GARNL3: variants seen among roughly 807,000 people sequenced by gnomAD.
The protein encoded by GARNL3 is GTPase activating Rap/RanGAP domain like 3, also known as GTPase-activating Rap/Ran-GAP domain-like protein 3.
In GARNL3, 63 loss-of-function variants were observed where a neutral mutation model predicts 125.0. The ratio of observed to expected loss-of-function variants is 0.50; its 90% confidence interval spans 0.41 to 0.62. The LOEUF (loss-of-function observed/expected upper bound fraction) is 0.62, where lower values mean the gene tolerates loss of function less well. GARNL3 is among the 20% of genes least tolerant of loss of function. The pLI is 0.00. For missense variants in GARNL3, 994 were observed against 1,244.0 expected (o/e 0.80, Z 3.02); for synonymous variants, 439 against 457.5 (o/e 0.96, Z 0.52).
At chr9:127,316,957 C>T (rs922504348) in intron 4 of GARNL3, among the ~76,000 whole-genome samples, 4 of 152,118 alleles carry the variant, frequency 2.6e-5, no homozygotes, top group African/African-American at 9.6e-5. Context: ...TCTTACCCTC[C>T]TCTAGCCGTT....
chr9:127,273,206 G>A (rs1271665175), intron 1 of GARNL3, among the ~76,000 whole-genome samples: 1 of 152,114 alleles, frequency 6.6e-6, no homozygotes, highest in African/African-American at 2.4e-5. Flanking sequence ...CGGTCCCACA[G>A]CTAGGAAGAA....
intron 22 of GARNL3, among the ~76,000 whole-genome samples, chr9:127,374,340 T>C (rs1462738491): frequency 6.6e-6 from 1 of 151,794 alleles, no homozygotes; most frequent in Non-Finnish European, 1.5e-5. Context: ...AAGACTCCTC[T>C]CACATCAGAT....
At chr9:127,336,052 G>T in intron 10 of GARNL3, 76 bp from the exon 11 acceptor site, 1 of 1,060,544 alleles carries the variant, frequency 9.4e-7, no homozygotes, top group South Asian at 1.4e-5. Flanking sequence ...TGTTATATTG[G>T]GTTATGTTTT....
At chr9:127,285,854 CCTTT>C (rs2064236820) in intron 1 of GARNL3, among the ~76,000 whole-genome samples, 1 of 152,002 alleles carries the variant, frequency 6.6e-6, no homozygotes, top group Admixed American at 6.5e-5. Flanking sequence ...TTTTACTTTG[CCTTT>C]CTTTTTCATG....
intron 2 of GARNL3, among the ~76,000 whole-genome samples, chr9:127,296,893 T>TGA (rs2064612909): frequency 2.0e-5 from 3 of 151,824 alleles, no homozygotes; most frequent in Admixed American, 1.3e-4. Context: ...GGCTTAGTCT[T>TGA]TCTGGCAGCC....
chr9:127,328,757 A>T (rs2131550483), intron 7 of GARNL3, among the ~76,000 whole-genome samples: 1 of 152,334 alleles, frequency 6.6e-6, no homozygotes, highest in East Asian at 1.9e-4. Flanking sequence ...TTTTCTCAGA[A>T]GAACTATAAT....
chr9:127,344,523 C>T (rs1029113668), intron 15 of GARNL3, 184 bp downstream of exon 15: 11 of 594,498 alleles, frequency 1.9e-5, no homozygotes, highest in Non-Finnish European at 3.4e-5. Context: ...TCTCTGCAGG[C>T]ATCACTGAGA....
At chr9:127,251,426 A>G (rs549002708) in intron 2 of GARNL3, among the ~76,000 whole-genome samples, 15 of 152,144 alleles carry the variant, frequency 9.9e-5, no homozygotes, top group Admixed American at 7.9e-4. Flanking sequence ...TCAGGAGAGC[A>G]TCTCAGAATC....
chr9:127,233,393 A>G, intron 1 of GARNL3, among the ~76,000 whole-genome samples: 1 of 152,200 alleles, frequency 6.6e-6, no homozygotes, highest in East Asian at 1.9e-4. Context: ...ACCAAGAAGT[A>G]GTGATTTCTC....
chr9:127,373,178 G>T (rs1454295267), intron 22 of GARNL3, among the ~76,000 whole-genome samples: 1 of 152,204 alleles, frequency 6.6e-6, no homozygotes, highest in East Asian at 1.9e-4. Flanking sequence ...AAGTCCCAGA[G>T]AATTTTAAAG....
At chr9:127,261,368 A>G (rs901121091), upstream of GARNL3, among the ~76,000 whole-genome samples, 5 of 150,690 alleles carry the variant, frequency 3.3e-5, no homozygotes, top group Non-Finnish European at 5.9e-5. Flanking sequence ...ATAAGGAAAG[A>G]GACCAAGGAT....
chr9:127,240,914 A>AT (rs2063192094), intron 1 of GARNL3, among the ~76,000 whole-genome samples: 1 of 152,260 alleles, frequency 6.6e-6, no homozygotes, highest in East Asian at 1.9e-4. Context: ...TCTCAAAAAA[A>AT]TTTTTTTTAA....
At chr9:127,365,649 T>G (rs1018677065) in intron 22 of GARNL3, among the ~76,000 whole-genome samples, 1 of 152,136 alleles carries the variant, frequency 6.6e-6, no homozygotes, top group Non-Finnish European at 1.5e-5. Flanking sequence ...GTGTGCCAGG[T>G]GCCGTGCTCG....
At chr9:127,321,095 C>A (rs2065384329) in intron 6 of GARNL3, among the ~76,000 whole-genome samples, 2 of 152,148 alleles carry the variant, frequency 1.3e-5, no homozygotes, top group Admixed American at 1.3e-4. Flanking sequence ...AAAAGCTACC[C>A]TTTTTACTGA....
intron 2 of GARNL3, among the ~76,000 whole-genome samples, chr9:127,250,735 T>G (rs1244606086): frequency 3.3e-5 from 5 of 152,120 alleles, no homozygotes; most frequent in Non-Finnish European, 1.5e-5. Context: ...GATGTGGATC[T>G]TCATCATTCA....
chr9:127,225,493 C>A, intron 1 of GARNL3: 1 of 509,694 alleles, frequency 2.0e-6, no homozygotes, highest in Non-Finnish European at 2.5e-6. Context: ...GAGGCCGTGG[C>A]GTGGGAAGGG....
intron 1 of GARNL3, among the ~76,000 whole-genome samples, chr9:127,277,299 G>A (rs544761608): frequency 6.6e-6 from 1 of 151,750 alleles, no homozygotes; most frequent in Non-Finnish European, 1.5e-5. Flanking sequence ...TCCTTCTTTT[G>A]TGTGACATTG....
At chr9:127,271,301 A>G (rs776433065) in intron 1 of GARNL3, among the ~76,000 whole-genome samples, 4 of 150,506 alleles carry the variant, frequency 2.7e-5, no homozygotes, top group Non-Finnish European at 5.9e-5. Flanking sequence ...AATAATGTTT[A>G]TTTGCCACTG....
chr9:127,389,622 C>T (rs1832722902), intron 26 of GARNL3, among the ~76,000 whole-genome samples: 1 of 152,054 alleles, frequency 6.6e-6, no homozygotes, highest in Non-Finnish European at 1.5e-5. Flanking sequence ...GTGTTGAGCT[C>T]ATTTCTCTCA....
Sources: gnomAD v4.1 joint callset for allele counts (sites outside exome capture counted in the v4.1 genomes callset) on GRCh38, gnomAD v4.1.1 for gene constraint, MANE v1.5 for transcripts, NCBI Gene and HGNC (gene_info 2026-07-23, HGNC 2026-07-21) for gene names.